The following TUBGCP3 variants were observed in gnomAD, a reference collection of about 807,000 sequenced individuals.
TUBGCP3 encodes the protein gamma-tubulin complex component 3.
A neutral mutation model predicts 123.1 loss-of-function variants in TUBGCP3; 50 were observed. That is an observed-to-expected ratio of 0.41 (90% CI 0.32 to 0.51). The LOEUF is 0.51. TUBGCP3 is among the 20% of genes least tolerant of loss of function. TUBGCP3 has a pLI of 0.36. For synonymous variants in TUBGCP3, 405 were observed against 413.9 expected, an observed-to-expected ratio of 0.98 and a Z score of 0.26; for missense variants, 882 against 1,127.0, an observed-to-expected ratio of 0.78 and a Z score of 3.11.
rs1041715373 is a variant in TUBGCP3, at chr13:112,545,508, G to A, written c.1335+191C>T. The A allele has an allele frequency of 8.6e-6, 5 of 582,900 alleles. No individual in the cohort carries two copies. The highest frequency in any genetic ancestry group is 2.9e-5 in the East Asian group (1 of 34,764). The allele number at this position is 582,900 out of a possible 1,614,324, so 36.1% of individuals were successfully genotyped here. A position where few individuals can be genotyped will look rare whatever the true frequency, so the allele number is the denominator to read the frequency against. On this transcript the variant is annotated intron_variant, in intron 11 of 21. Coordinates refer to ENST00000261965, the MANE Select transcript of TUBGCP3 (RefSeq NM_006322.6). This position sits in a 1 kb window ranked among gnomAD's most constrained non-coding sequence, Gnocchi z 4.1. ...CAATTCTCCACTAACCAAAGAACTC[G>A]TGAACTTATCTGCTGTTCAGTGAGA... is the stretch of plus-strand genomic sequence containing the variant.
At chr13:112,521,205 T>G (rs1876592225) in intron 14 of TUBGCP3, among the ~76,000 whole-genome samples, 1 of 152,178 alleles carries the variant, frequency 6.6e-6, no homozygotes, top group African/African-American at 2.4e-5. Flanking sequence ...TTCAAACAGG[T>G]GTTGACCTCA....
At chr13:112,572,605 C>T (rs191459761) in intron 1 of TUBGCP3, among the ~76,000 whole-genome samples, 4 of 152,276 alleles carry the variant, frequency 2.6e-5, no homozygotes, top group Admixed American at 2.6e-4. Flanking sequence ...ATTGTTGTGA[C>T]TCAGGAAATA....
At chr13:112,556,985 T>C (rs1374863742) in intron 5 of TUBGCP3, among the ~76,000 whole-genome samples, 1 of 152,120 alleles carries the variant, frequency 6.6e-6, no homozygotes, top group African/African-American at 2.4e-5. Context: ...GATTTAGTAC[T>C]GGTGCAATAC....
intron 21 of TUBGCP3, 56 bp from the exon 22 acceptor site, chr13:112,486,207 G>C (rs1244194566): frequency 1.3e-5 from 21 of 1,594,606 alleles, no homozygotes; most frequent in Non-Finnish European, 1.7e-5. Flanking sequence ...ACCCACAAAC[G>C]TATTCCCCGG....
chr13:112,526,064 C>T (rs1877036713), intron 13 of TUBGCP3, among the ~76,000 whole-genome samples: 1 of 152,128 alleles, frequency 6.6e-6, no homozygotes, highest in African/African-American at 2.4e-5. Context: ...ACTATCATCA[C>T]CGCTATCACC....
rs1882769250 is a variant in TUBGCP3 at position 112,588,128 on chromosome 13, A to G, written c.-148T>C. The G allele has an allele frequency of 1.2e-5, 7 of 592,874 alleles. No homozygotes were observed. Among genetic ancestry groups the G allele is most frequent in the Admixed American group, 4.4e-5 (1 of 22,752 alleles). 36.7% of individuals were successfully genotyped at this position (592,874 alleles called of 1,614,324 possible). ...GGGCGCCGCCGGCCACCAGGGCGCCATTTTAACGGAACCCGCCGAAAGCGC... is the reference window on the plus strand; with the variant it reads ...GGGCGCCGCCGGCCACCAGGGCGCCGTTTTAACGGAACCCGCCGAAAGCGC... On this transcript the variant is annotated 5_prime_UTR_variant, in exon 1 of 22. An upstream start codon of the reference 5' UTR is lost. Coordinates refer to ENST00000261965, the MANE Select transcript of TUBGCP3 (RefSeq NM_006322.6).
At chr13:112,574,478 C>T (rs193001645) in intron 1 of TUBGCP3, among the ~76,000 whole-genome samples, 3 of 152,326 alleles carry the variant, frequency 2.0e-5, no homozygotes, top group Middle Eastern at 3.4e-3. Flanking sequence ...CCAAAATCCC[C>T]AGAAATGTAA....
At position 112,559,375 on chromosome 13, in the gene TUBGCP3, T is replaced by A; in HGVS notation, c.277A>T (p.Ile93Leu). Residue 93 changes from isoleucine to leucine, a missense_variant, in exon 4 of 22, where the codon ATA becomes TTA. Transcript: ENST00000261965. ...SQGVLKNKWS[I>L]LYLLLSLSED... Reference sequence around the variant, plus strand: ...CTGAGGCTCAGCAAGAGGTAGAGTATTGACCATTTATTTTTCAAAACTCCC... The same window carrying A: ...CTGAGGCTCAGCAAGAGGTAGAGTAATGACCATTTATTTTTCAAAACTCCC... 1 of 1,604,754 alleles carries A rather than the reference T, an allele frequency of 6.2e-7. No homozygotes were observed. Among genetic ancestry groups the A allele is most frequent in the Non-Finnish European group, 8.5e-7 (1 of 1,173,998 alleles).
intron 6 of TUBGCP3, 23 bp from the exon 7 acceptor site, chr13:112,555,028 C>T (rs1403825594): frequency 1.4e-6 from 2 of 1,424,170 alleles, no homozygotes. Context: ...TTTTTAAAGA[C>T]AGTAATTACT....
Position 112,580,740 on chromosome 13 carries a change from TC to T in TUBGCP3, c.76+7164del, listed in dbSNP as rs141258296. ...TCAAAGTGGGCAGAGGAAAAACACTTCAGACCAGAATATCTATATCTGACTG... is the reference window on the plus strand; with the variant it reads ...TCAAAGTGGGCAGAGGAAAAACACTTAGACCAGAATATCTATATCTGACTG... On this transcript the variant is annotated intron_variant, in intron 1 of 21. Transcript: ENST00000261965. 5.0e-3 allele frequency among the ~76,000 whole-genome samples: 758 copies of T among 152,254 alleles called. 7 individuals carry two copies. Among genetic ancestry groups the T allele is most frequent in the African/African-American group, 0.017 (723 of 41,546 alleles).
intron 20 of TUBGCP3, among the ~76,000 whole-genome samples, chr13:112,491,889 A>T (rs1330184229): frequency 1.3e-5 from 2 of 152,194 alleles, no homozygotes; most frequent in Non-Finnish European, 2.9e-5. Flanking sequence ...ACCATCCTCT[A>T]CTGAGGAGCT....
intron 3 of TUBGCP3, among the ~76,000 whole-genome samples, chr13:112,561,122 T>C (rs1459052265): frequency 6.6e-6 from 1 of 152,134 alleles, no homozygotes; most frequent in Non-Finnish European, 1.5e-5. Context: ...AGAGGCACCA[T>C]CACTGCACAA....
chr13:112,547,863 C>A, intron 9 of TUBGCP3, 111 bp from the exon 10 acceptor site: 1 of 1,254,126 alleles, frequency 8.0e-7, no homozygotes, highest in South Asian at 2.3e-5. Context: ...AAAAATGAAG[C>A]CAAAGTCCCC....
chr13:112,546,181 G>C, intron 10 of TUBGCP3: 4 of 264,002 alleles, frequency 1.5e-5, no homozygotes, highest in Non-Finnish European at 3.0e-5. Flanking sequence ...GACTTTTCAT[G>C]CCTTTTCTAC....
intron 1 of TUBGCP3, among the ~76,000 whole-genome samples, chr13:112,578,191 G>T (rs906176779): frequency 6.6e-6 from 1 of 151,682 alleles, no homozygotes; most frequent in Non-Finnish European, 1.5e-5. Context: ...CAGGACTCGT[G>T]GCTCTGGAAT....
chr13:112,495,915 T>C (rs1300007), intron 20 of TUBGCP3, among the ~76,000 whole-genome samples: 74,217 of 152,072 alleles, frequency 0.49, 21,237 homozygotes, highest in South Asian at 0.67. Context: ...TGCATCTATT[T>C]AGTGGAAAAA....
At chr13:112,586,254 A>G (rs79783159) in intron 1 of TUBGCP3, among the ~76,000 whole-genome samples, 1 of 152,054 alleles carries the variant, frequency 6.6e-6, no homozygotes, top group African/African-American at 2.4e-5. Context: ...AAAAAAAAAA[A>G]GTTCTTAGGT....
chr13:112,558,201 G>A lies in TUBGCP3; in HGVS notation c.543C>T (p.Leu181=). ...SGPAPAPQSL[L]PGQSNQAPGV... ...ACACGTCAGTGTGGCCTTACCCTGG[G>A]AGGAGAGATTGTGGCGCAGGCGCGG... The change falls in exon 5 of 22, where the codon CTC becomes CTT. Residue 181 remains leucine (L), a synonymous_variant. Coordinates refer to ENST00000261965, the MANE Select transcript of TUBGCP3 (RefSeq NM_006322.6). The A allele has an allele frequency of 1.9e-6, 3 of 1,610,130 alleles. No homozygotes were observed. Among genetic ancestry groups the A allele is most frequent in the Non-Finnish European group, 2.5e-6 (3 of 1,178,600 alleles).
intron 1 of TUBGCP3, among the ~76,000 whole-genome samples, chr13:112,585,670 G>A (rs539060743): frequency 3.5e-4 from 54 of 152,262 alleles, no homozygotes; most frequent in South Asian, 1.0e-3. Context: ...TACTTGGGGG[G>A]CTGATGCAGG....
Sources: allele counts gnomAD v4.1 joint callset (sites outside exome capture counted in the v4.1 genomes callset), GRCh38; gene constraint gnomAD v4.1.1; non-coding constraint Gnocchi (gnomAD v3.1); transcripts MANE v1.5; gene names NCBI Gene and HGNC (gene_info 2026-07-23, HGNC 2026-07-21).